CENPF: variants seen among roughly 807,000 people sequenced by gnomAD.
The protein encoded by CENPF is centromere protein F, also known as AH antigen.
In CENPF, 214 loss-of-function variants were observed where a neutral mutation model predicts 307.3. The observed-to-expected ratio is 0.70, with a 90% confidence interval of 0.62 to 0.78. The LOEUF is 0.78. Among genes scored for constraint, CENPF ranks in the 30% least tolerant of loss-of-function variants. CENPF has a pLI of 0.00. For missense variants in CENPF, 3,401 were observed against 3,483.9 expected (o/e 0.98, Z 0.60); for synonymous variants, 1,259 against 1,270.6 (o/e 0.99, Z 0.19).
intron 7 of CENPF, among the ~76,000 whole-genome samples, chr1:214,628,312 T>C (rs866722269): frequency 1.3e-5 from 2 of 152,190 alleles, no homozygotes; most frequent in African/African-American, 2.4e-5. Context: ...TTTAGTGGAC[T>C]GTATTGCAGT....
Position 214,644,608 on chromosome 1 carries a change from G to A in CENPF, c.5038G>A (p.Glu1680Lys). 1 of 1,613,142 alleles carries A rather than the reference G, an allele frequency of 6.2e-7. No homozygotes were observed. Among genetic ancestry groups the A allele is most frequent in the South Asian group, 1.1e-5 (1 of 90,998 alleles). The change falls in exon 13 of 20, where the codon GAA (glutamate) becomes AAA (lysine). Residue 1680 changes from glutamate (E) to lysine (K), a missense_variant. Coordinates refer to ENST00000366955, the MANE Select transcript of CENPF (RefSeq NM_016343.4). ...TGACATATCAAAAGAACATACTTCA[G>A]AAACTACAGAAAGAACACCAAAGCA... ...SCDISKEHTS[E>K]TTERTPKHDV... is the part of the protein sequence containing the mutation.
chr1:214,646,276 T>G lies in CENPF; in HGVS notation c.6706T>G (p.Phe2236Val). ...LSELDKLLSSFKSLLEEKEQA... is the reference protein window; with the variant it reads ...LSELDKLLSSVKSLLEEKEQA... ...AGAACTAGACAAGTTACTCTCTTCA[T>G]TTAAAAGTCTGTTAGAAGAAAAGGA... Residue 2236 changes from phenylalanine (F) to valine (V), a missense_variant, in exon 13 of 20, where the codon TTT becomes GTT. By Grantham distance (50) the Phe-to-Val change is conservative. Coordinates refer to ENST00000366955, the MANE Select transcript of CENPF (RefSeq NM_016343.4). 1 of 1,614,108 alleles carries G rather than the reference T, an allele frequency of 6.2e-7. No homozygotes were observed. The highest frequency in any genetic ancestry group is 8.5e-7 in the Non-Finnish European group (1 of 1,180,012).
chr1:214,630,467 A>G (rs1657775083), intron 8 of CENPF, 67 bp from the exon 9 acceptor site: 6 of 1,592,024 alleles, frequency 3.8e-6, no homozygotes, highest in Non-Finnish European at 4.3e-6. Context: ...TAGGATGCTC[A>G]TGCCTCACCC....
At chr1:214,616,172 T>TG (rs969485752) in intron 3 of CENPF, among the ~76,000 whole-genome samples, 1 of 152,142 alleles carries the variant, frequency 6.6e-6, no homozygotes, top group Non-Finnish European at 1.5e-5. Context: ...TTTTTGATGA[T>TG]GGTGTTTGTG....
chr1:214,635,319 T>G (rs1657928481), intron 10 of CENPF, among the ~76,000 whole-genome samples: 1 of 152,184 alleles, frequency 6.6e-6, no homozygotes, highest in Admixed American at 6.5e-5. Flanking sequence ...TGAAATTTGT[T>G]TTGTCTGGCC....
chr1:214,656,864 C>T (rs963227333), intron 17 of CENPF, 69 bp from the exon 18 acceptor site: 1 of 1,020,158 alleles, frequency 9.8e-7, no homozygotes. Flanking sequence ...AGATTATCTG[C>T]TTCACGATGC....
intron 9 of CENPF, among the ~76,000 whole-genome samples, chr1:214,631,050 A>G (rs113985132): frequency 1.3e-4 from 20 of 152,302 alleles, no homozygotes; most frequent in African/African-American, 4.3e-4. Context: ...CATATCATCT[A>G]TGTGATGATG....
Position 214,613,708 on chromosome 1 carries a change from T to G in CENPF, c.-41-6T>G, listed in dbSNP as rs375005870. 6.5e-7 allele frequency: 1 copy of G among 1,532,864 alleles called. No individual in the cohort carries two copies. The highest frequency in any genetic ancestry group is 2.3e-5 in the East Asian group (1 of 43,170). 95.0% of individuals were successfully genotyped at this position (1,532,864 alleles called of 1,614,324 possible). A position where few individuals can be genotyped will look rare whatever the true frequency, so the allele number is the denominator to read the frequency against. Reference sequence around the variant, plus strand: ...GTAAGACCAACAGTCTGGTTATTCTTTTCAGTTTATTTACAAATGTTGGAG... The same window carrying G: ...GTAAGACCAACAGTCTGGTTATTCTGTTCAGTTTATTTACAAATGTTGGAG... On this transcript the variant is annotated splice_region_variant and splice_polypyrimidine_tract_variant and intron_variant, in intron 1 of 19. Transcript: ENST00000366955.
intron 9 of CENPF, among the ~76,000 whole-genome samples, chr1:214,631,940 T>G (rs1657820240): frequency 6.6e-6 from 1 of 152,262 alleles, no homozygotes; most frequent in Admixed American, 6.5e-5. Context: ...AAATTGTTGC[T>G]AATCAAGGAG....
intron 10 of CENPF, among the ~76,000 whole-genome samples, chr1:214,633,586 A>G (rs971310145): frequency 6.6e-6 from 1 of 152,232 alleles, no homozygotes. Flanking sequence ...TCAGGTGAGG[A>G]AAGTCTAAAT....
chr1:214,607,617 G>T (rs1657071749), intron 1 of CENPF, among the ~76,000 whole-genome samples: 1 of 152,186 alleles, frequency 6.6e-6, no homozygotes. Flanking sequence ...CCAGTGGGCT[G>T]GGCAGGGCCA....
chr1:214,646,770 A>G lies in CENPF; in HGVS notation c.7200A>G (p.Glu2400=), dbSNP rs1386482156. 2 of 1,613,102 alleles carry G rather than the reference A, an allele frequency of 1.2e-6. No homozygotes were observed. Among genetic ancestry groups the G allele is most frequent in the East Asian group, 2.2e-5 (1 of 44,884 alleles). The change falls in exon 13 of 20, where the codon GAA becomes GAG. Residue 2400 remains glutamate (E), a synonymous_variant. Coordinates refer to ENST00000366955, the MANE Select transcript of CENPF (RefSeq NM_016343.4). ...IRSEKENLTN[E]LQKEQERISE... ...CAGAAAAAGAAAATCTGACAAATGA[A>G]TTACAAAAAGAGCAAGAGCGAATAT... is the stretch of plus-strand genomic sequence containing the variant.
At chr1:214,617,366 G>A (rs1434212078) in intron 3 of CENPF, among the ~76,000 whole-genome samples, 1 of 152,060 alleles carries the variant, frequency 6.6e-6, no homozygotes, top group Admixed American at 6.6e-5. Flanking sequence ...TTTACTTCCT[G>A]TTTTAAGTAA....
At chr1:214,649,310 T>A (rs1658399808) in intron 14 of CENPF, among the ~76,000 whole-genome samples, 1 of 152,202 alleles carries the variant, frequency 6.6e-6, no homozygotes, top group Non-Finnish European at 1.5e-5. Flanking sequence ...CACTGCCATT[T>A]CCATAGTAGA....
intron 6 of CENPF, 69 bp from the exon 7 acceptor site, chr1:214,622,010 A>G: frequency 8.2e-7 from 1 of 1,222,210 alleles, no homozygotes; most frequent in Non-Finnish European, 1.2e-6. Context: ...AATAAAACAA[A>G]TGATAAGTTA....
At chr1:214,629,251 AGTT>A (rs755978706) in intron 8 of CENPF, 80 bp downstream of exon 8, 16 of 1,342,146 alleles carry the variant, frequency 1.2e-5, no homozygotes, top group Non-Finnish European at 1.6e-5. Flanking sequence ...TGGAAAGGGG[AGTT>A]GTTATCACAA....
In CENPF at chr1:214,659,385, C is replaced by G. The variant is rs1215770675; in HGVS notation, c.9141+357C>G. On this transcript the variant is annotated intron_variant, in intron 19 of 19. Coordinates refer to ENST00000366955, the MANE Select transcript of CENPF (RefSeq NM_016343.4). The surrounding 1 kb of genome is among the most constrained non-coding windows in gnomAD (Gnocchi z 4.4). ...TAGTCATTGTTTGTTTCAAACTTTA[C>G]TCTCACTTATCTGCCCCCAGCTGCT... is the stretch of plus-strand genomic sequence containing the variant. Among the ~76,000 whole-genome samples, 1 of 151,902 alleles carries G rather than the reference C, an allele frequency of 6.6e-6. No homozygotes were observed. The highest frequency in any genetic ancestry group is 2.4e-5 in the African/African-American group (1 of 41,316).
At chr1:214,631,034 G>A (rs1322733343) in intron 9 of CENPF, among the ~76,000 whole-genome samples, 1 of 152,136 alleles carries the variant, frequency 6.6e-6, no homozygotes, top group East Asian at 1.9e-4. Context: ...CAGTTTTGTG[G>A]CTTTACATAT....
chr1:214,618,511 A>T, intron 3 of CENPF, 62 bp from the exon 4 acceptor site: 1 of 1,572,568 alleles, frequency 6.4e-7, no homozygotes, highest in Non-Finnish European at 8.6e-7. Context: ...AATGTAAGGC[A>T]TTGATATTCT....
Sources: allele counts gnomAD v4.1 joint callset (sites outside exome capture counted in the v4.1 genomes callset), GRCh38; gene constraint gnomAD v4.1.1; non-coding constraint Gnocchi (gnomAD v3.1); transcripts MANE v1.5; gene names NCBI Gene and HGNC (gene_info 2026-07-23, HGNC 2026-07-21).